UBR2: variants seen among roughly 807,000 people sequenced by gnomAD.
The protein encoded by UBR2 is ubiquitin protein ligase E3 component n-recognin 2, also known as E3 ubiquitin-protein ligase UBR2.
In UBR2, 92 loss-of-function variants were observed where a neutral mutation model predicts 247.9. The ratio of observed to expected loss-of-function variants is 0.37; its 90% CI spans 0.31 to 0.44. The LOEUF is 0.44. Ranked by LOEUF, UBR2 falls within the 20% of genes least tolerant of loss-of-function variation. UBR2 has a pLI of 1.00. For synonymous variants in UBR2, 672 were observed against 693.5 expected, an observed-to-expected ratio of 0.97 and a Z score of 0.49; for missense variants, 1,613 against 2,112.6, an observed-to-expected ratio of 0.76 and a Z score of 4.64.
intron 3 of UBR2, 73 bp downstream of exon 3, chr6:42,592,302 A>T: frequency 8.1e-7 from 1 of 1,239,020 alleles, no homozygotes; most frequent in South Asian, 1.9e-5. Flanking sequence ...TCTTTTCAAA[A>T]TGCAAAGATT....
intron 21 of UBR2, among the ~76,000 whole-genome samples, chr6:42,647,188 A>C (rs1457860686): frequency 6.6e-6 from 1 of 152,138 alleles, no homozygotes; most frequent in Non-Finnish European, 1.5e-5. Flanking sequence ...GTACTGCTTT[A>C]ATGCAGGAAG....
In UBR2 at chr6:42,679,928, T is replaced by C. The variant is rs939273637; in HGVS notation, c.4718+96T>C. 10 of 739,478 alleles carry C rather than the reference T, an allele frequency of 1.4e-5. No homozygotes were observed. The Admixed American group carries it at 1.5e-4, about 11-fold the overall frequency. 45.8% of individuals were successfully genotyped at this position (739,478 alleles called of 1,614,324 possible). A position where few individuals can be genotyped will look rare whatever the true frequency, so the allele number is the denominator to read the frequency against. The stretch of plus-strand genomic sequence containing the variant: ...TAGCAAAATTCTCAAGTAATGACCC[T>C]GGTAGAATTCAACACAAATAATTCA... On this transcript the variant is annotated intron_variant, in intron 42 of 46. Transcript: ENST00000372901.
At chr6:42,655,307 A>G (rs944267609) in intron 25 of UBR2, among the ~76,000 whole-genome samples, 4 of 152,076 alleles carry the variant, frequency 2.6e-5, no homozygotes, top group African/African-American at 9.7e-5. Context: ...GTGAAACCCC[A>G]TCTCTACTAA....
At chr6:42,652,449 A>G in intron 24 of UBR2, 42 bp from the exon 25 acceptor site, 1 of 1,566,424 alleles carries the variant, frequency 6.4e-7, no homozygotes. Flanking sequence ...TTTCTAAAGC[A>G]TGTTCTGTAA....
intron 1 of UBR2, among the ~76,000 whole-genome samples, chr6:42,573,153 G>T (rs980936760): frequency 6.6e-6 from 1 of 151,638 alleles, no homozygotes; most frequent in African/African-American, 2.4e-5. Flanking sequence ...AACGGAAAAG[G>T]CCTTATAGAG....
In UBR2 at chr6:42,616,807, C is replaced by T. The variant is rs374333254; in HGVS notation, c.1183-602C>T. On this transcript the variant is annotated intron_variant, in intron 10 of 46. Transcript: ENST00000372901. ...TCTTTCAAAATACATGTGTTGTGTT[C>T]CATTCTCAAATCTACTGAAACAGAT... Among the ~76,000 whole-genome samples the T allele has an allele frequency of 1.1e-4, 17 of 152,014 alleles. 1 individual carries two copies. Among genetic ancestry groups the T allele is most frequent in the African/African-American group, 3.9e-4 (16 of 41,408 alleles).
chr6:42,646,365 C>G (rs1018261268), intron 21 of UBR2, among the ~76,000 whole-genome samples: 17 of 152,294 alleles, frequency 1.1e-4, no homozygotes, highest in African/African-American at 3.6e-4. Flanking sequence ...TTTCAAACAT[C>G]TATAGAGATT....
chr6:42,691,383 T>A lies in UBR2; in HGVS notation c.*210T>A, dbSNP rs544699846. ...TGCTGTGCCCCTCAAATATAATGTC[T>A]TGGGTTTTAAGATCGAGCAAGGAGC... On this transcript the variant is annotated 3_prime_UTR_variant, in exon 47 of 47. Transcript: ENST00000372901. 23 of 642,540 alleles carry A rather than the reference T, an allele frequency of 3.6e-5. No individual in the cohort carries two copies. Among genetic ancestry groups the A allele is most frequent in the African/African-American group, 9.2e-5 (5 of 54,432 alleles). 39.8% of individuals were successfully genotyped at this position (642,540 alleles called of 1,614,324 possible).
intron 17 of UBR2, 115 bp downstream of exon 17, chr6:42,641,807 G>A: frequency 1.4e-6 from 1 of 725,398 alleles, no homozygotes; most frequent in Non-Finnish European, 2.2e-6. Flanking sequence ...AAAATTGTTT[G>A]AAAAGATTAA....
chr6:42,617,331 C>G (rs200506490), intron 10 of UBR2, 78 bp from the exon 11 acceptor site: 3 of 1,614,048 alleles, frequency 1.9e-6, no homozygotes, highest in East Asian at 2.2e-5. Flanking sequence ...TTCACCGCAC[C>G]TACTCTGGTG....
In UBR2 at chr6:42,642,001, G is replaced by A. The variant is rs114941552; in HGVS notation, c.2031+309G>A. On this transcript the variant is annotated intron_variant, in intron 17 of 46. Transcript: ENST00000372901. Reference sequence around the variant, plus strand: ...AATCAAATTGAATTAAAAGATAAAAGGCCTTTTAATATAGCTGTAAAATTG... The same window carrying A: ...AATCAAATTGAATTAAAAGATAAAAAGCCTTTTAATATAGCTGTAAAATTG... 3.4e-3 allele frequency among the ~76,000 whole-genome samples: 521 copies of A among 152,022 alleles called. 4 individuals carry two copies. Among genetic ancestry groups the A allele is most frequent in the African/African-American group, 0.012 (494 of 41,490 alleles).
At chr6:42,574,881 T>G (rs1360005149) in intron 2 of UBR2, among the ~76,000 whole-genome samples, 2 of 152,110 alleles carry the variant, frequency 1.3e-5, no homozygotes, top group African/African-American at 4.8e-5. Flanking sequence ...GTATTTTTAA[T>G]AGAGACGGGG....
chr6:42,686,808 G>A (rs973204666), intron 44 of UBR2, among the ~76,000 whole-genome samples: 2 of 150,012 alleles, frequency 1.3e-5, no homozygotes, highest in Non-Finnish European at 3.0e-5. Context: ...CTTCCCAGAC[G>A]GGGCGGCTGC....
At chr6:42,605,634 C>A in intron 5 of UBR2, 87 bp from the exon 6 acceptor site, 2 of 1,243,798 alleles carry the variant, frequency 1.6e-6, no homozygotes, top group Non-Finnish European at 2.2e-6. Context: ...TAGCACATTG[C>A]ATAGGACAAA....
chr6:42,580,207 C>G (rs1582441048), intron 2 of UBR2, among the ~76,000 whole-genome samples: 2 of 152,154 alleles, frequency 1.3e-5, no homozygotes, highest in African/African-American at 4.8e-5. Flanking sequence ...ACTGCTCTCT[C>G]TGACCTGGGA....
rs886591029 is a variant in UBR2, at chr6:42,617,617, G to C, written c.1281+110G>C. The C allele has an allele frequency of 6.1e-6, 6 of 985,310 alleles. No individual in the cohort carries two copies. The South Asian group carries it at 9.7e-5, about 16-fold the overall frequency. 61.0% of individuals were successfully genotyped at this position (985,310 alleles called of 1,614,324 possible). On this transcript the variant is annotated intron_variant, in intron 11 of 46. Coordinates refer to ENST00000372901, the MANE Select transcript of UBR2 (RefSeq NM_001363705.2). ...CTGAAAAGAATAGTATTTTATTAAT[G>C]GGTAATCAGACTTCAAACACCTTCA...
chr6:42,612,639 C>A (rs763695752), intron 8 of UBR2, among the ~76,000 whole-genome samples: 28 of 152,114 alleles, frequency 1.8e-4, no homozygotes, highest in Non-Finnish European at 3.1e-4. Context: ...CAGAACTCTT[C>A]TACTGAGTAA....
chr6:42,637,315 T>TA, intron 15 of UBR2, 121 bp downstream of exon 15: 1 of 1,097,050 alleles, frequency 9.1e-7, no homozygotes, highest in Non-Finnish European at 1.3e-6. Context: ...ATCATTAACT[T>TA]ATCCAATCAT....
chr6:42,616,194 G>T, intron 10 of UBR2, 104 bp downstream of exon 10: 1 of 636,138 alleles, frequency 1.6e-6, no homozygotes, highest in Non-Finnish European at 2.6e-6. Context: ...ATATGTCAAT[G>T]TGTTGATATT....
Sources: gnomAD v4.1 joint callset for allele counts (sites outside exome capture counted in the v4.1 genomes callset) on GRCh38, gnomAD v4.1.1 for gene constraint, MANE v1.5 for transcripts, NCBI Gene and HGNC (gene_info 2026-07-23, HGNC 2026-07-21) for gene names.